The following GRID1 variants were observed in gnomAD, a reference collection of about 807,000 sequenced individuals.
The protein encoded by GRID1 is glutamate receptor ionotropic, delta-1.
Under a neutral mutation model 98.0 loss-of-function variants are expected in GRID1, and 28 were observed. The ratio of observed to expected loss-of-function variants is 0.29; its 90% CI spans 0.21 to 0.39. GRID1 has a LOEUF of 0.39. GRID1 is among the 10% of genes least tolerant of loss of function. The pLI, the probability that GRID1 is intolerant of heterozygous loss-of-function variation, is 1.00. For synonymous variants in GRID1, 553 were observed against 538.5 expected (o/e 1.03, Z -0.37); for missense variants, 1,111 against 1,340.5 (o/e 0.83, Z 2.67).
intron 5 of GRID1, among the ~76,000 whole-genome samples, chr10:85,899,458 T>A (rs1465473467): frequency 6.6e-6 from 1 of 152,300 alleles, no homozygotes; most frequent in African/African-American, 2.4e-5. Context: ...TCTACAGACA[T>A]CTTTCTATGA....
At chr10:86,108,071 A>T (rs1844420165) in intron 4 of GRID1, among the ~76,000 whole-genome samples, 1 of 152,172 alleles carries the variant, frequency 6.6e-6, no homozygotes, top group Non-Finnish European at 1.5e-5. Flanking sequence ...CAGACAGCAA[A>T]CTAAGAGAGC....
chr10:85,996,553 A>G (rs564565327), intron 4 of GRID1, among the ~76,000 whole-genome samples: 1 of 152,348 alleles, frequency 6.6e-6, no homozygotes, highest in African/African-American at 2.4e-5. Flanking sequence ...CAAGAGAAAT[A>G]TATTTTTAAA....
At chr10:86,219,724 C>T (rs760709603) in intron 2 of GRID1, among the ~76,000 whole-genome samples, 2 of 152,176 alleles carry the variant, frequency 1.3e-5, no homozygotes, top group Non-Finnish European at 2.9e-5. Context: ...TCTTGTGATT[C>T]TTATGTGGCC....
intron 5 of GRID1, among the ~76,000 whole-genome samples, chr10:85,915,436 C>T (rs1307844969): frequency 6.6e-6 from 1 of 151,956 alleles, no homozygotes; most frequent in Non-Finnish European, 1.5e-5. Context: ...ACATTCAATT[C>T]ACACACAAAG....
chr10:86,022,244 T>C (rs192656125), intron 4 of GRID1, among the ~76,000 whole-genome samples: 3 of 152,380 alleles, frequency 2.0e-5, no homozygotes, highest in African/African-American at 7.2e-5. Flanking sequence ...AAGAGTCACA[T>C]AATCAAGTTG....
In GRID1 at chr10:86,275,934, C is replaced by T. The variant is rs140088963; in HGVS notation, c.236-69286G>A. On this transcript the variant is annotated intron_variant, in intron 2 of 15. Coordinates refer to ENST00000327946, the MANE Select transcript of GRID1 (RefSeq NM_017551.3). ...ATTAAAATCCAAAGAGTTCAGTGAACTCCAAGTAAGATAAACTCAGAGACC... is the reference window on the plus strand; with the variant it reads ...ATTAAAATCCAAAGAGTTCAGTGAATTCCAAGTAAGATAAACTCAGAGACC... 8.7e-3 allele frequency among the ~76,000 whole-genome samples: 1,318 copies of T among 152,270 alleles called. 29 individuals carry two copies. Among genetic ancestry groups the T allele is most frequent in the African/African-American group, 0.029 (1,209 of 41,548 alleles).
chr10:86,091,974 G>A (rs1844156324), intron 4 of GRID1, among the ~76,000 whole-genome samples: 1 of 152,186 alleles, frequency 6.6e-6, no homozygotes, highest in South Asian at 2.1e-4. Flanking sequence ...TGGGACAAAA[G>A]AATCTGAACA....
chr10:85,748,062 T>A (rs1842013623), intron 8 of GRID1, among the ~76,000 whole-genome samples: 1 of 151,962 alleles, frequency 6.6e-6, no homozygotes, highest in Admixed American at 6.6e-5. Context: ...GGGAAATGAG[T>A]CATAGGAGTG....
chr10:85,777,094 T>C (rs1842338633), intron 8 of GRID1, among the ~76,000 whole-genome samples: 1 of 152,160 alleles, frequency 6.6e-6, no homozygotes, highest in Non-Finnish European at 1.5e-5. Flanking sequence ...ACCTCCACCT[T>C]CCTCTCTAAT....
At chr10:86,066,641 T>C (rs1308484505) in intron 4 of GRID1, among the ~76,000 whole-genome samples, 2 of 152,188 alleles carry the variant, frequency 1.3e-5, no homozygotes, top group Admixed American at 1.3e-4. Flanking sequence ...TCCACAATAC[T>C]CTTGCAGGTG....
At chr10:86,053,587 C>T (rs957063768) in intron 4 of GRID1, among the ~76,000 whole-genome samples, 5 of 152,076 alleles carry the variant, frequency 3.3e-5, no homozygotes, top group Admixed American at 2.0e-4. Flanking sequence ...GTCTCGAACT[C>T]AGGAGATCCG....
intron 2 of GRID1, among the ~76,000 whole-genome samples, chr10:86,325,432 C>T (rs1042212559): frequency 2.0e-5 from 3 of 152,202 alleles, no homozygotes; most frequent in African/African-American, 7.2e-5. Context: ...TCCACTTATG[C>T]TCCCTCTCGA....
intron 8 of GRID1, among the ~76,000 whole-genome samples, chr10:85,749,698 C>A (rs1013729130): frequency 6.6e-6 from 1 of 152,218 alleles, no homozygotes; most frequent in African/African-American, 2.4e-5. Flanking sequence ...AACAGCCACA[C>A]TGGCCCACTT....
chr10:85,662,119 G>A (rs557149282), intron 12 of GRID1, among the ~76,000 whole-genome samples: 1 of 152,150 alleles, frequency 6.6e-6, no homozygotes, highest in African/African-American at 2.4e-5. Flanking sequence ...CTGAATCTTT[G>A]CACTGAAATC....
At chr10:86,033,389 T>A (rs1195523839) in intron 4 of GRID1, among the ~76,000 whole-genome samples, 1 of 152,100 alleles carries the variant, frequency 6.6e-6, no homozygotes, top group African/African-American at 2.4e-5. Context: ...TGGAAGCCCA[T>A]GAGGATGAAT....
intron 5 of GRID1, among the ~76,000 whole-genome samples, chr10:85,892,002 T>C (rs1393338374): frequency 2.0e-5 from 3 of 151,760 alleles, no homozygotes; most frequent in African/African-American, 7.3e-5. Flanking sequence ...TATAAACATA[T>C]ACCATATGTA....
chr10:86,048,872 G>A (rs1022150310), intron 4 of GRID1, among the ~76,000 whole-genome samples: 51 of 152,352 alleles, frequency 3.3e-4, no homozygotes, highest in African/African-American at 1.1e-3. Flanking sequence ...TGGCTCTTTG[G>A]TTCCTTCCCC....
chr10:85,999,321 G>T (rs1589330761), intron 4 of GRID1, among the ~76,000 whole-genome samples: 1 of 136,880 alleles, frequency 7.3e-6, no homozygotes, highest in Admixed American at 7.3e-5. Context: ...ATGTAACACA[G>T]TTAAAAGTTT....
At chr10:86,062,637 A>G (rs1317340449) in intron 4 of GRID1, among the ~76,000 whole-genome samples, 4 of 152,128 alleles carry the variant, frequency 2.6e-5, no homozygotes, top group African/African-American at 9.7e-5. Flanking sequence ...TGGAGTCCCC[A>G]CCATGATTAT....
Sources: allele counts gnomAD v4.1 joint callset (sites outside exome capture counted in the v4.1 genomes callset), GRCh38; gene constraint gnomAD v4.1.1; transcripts MANE v1.5; gene names NCBI Gene and HGNC (gene_info 2026-07-23, HGNC 2026-07-21).